The following MYO16 variants were observed in gnomAD, a reference collection of about 807,000 sequenced individuals.
MYO16 encodes unconventional myosin-XVI.
A neutral mutation model predicts 205.3 loss-of-function variants in MYO16; 94 were observed. That is an observed-to-expected ratio of 0.46 (90% CI 0.39 to 0.54). The LOEUF (loss-of-function observed/expected upper bound fraction) is 0.54. Ranked by LOEUF, MYO16 falls within the 20% of genes least tolerant of loss-of-function variation. The pLI is 0.00. For synonymous variants in MYO16, 988 were observed against 954.0 expected, an observed-to-expected ratio of 1.04 and a Z score of -0.66; for missense variants, 2,315 against 2,387.5, an observed-to-expected ratio of 0.97 and a Z score of 0.63.
At chr13:109,078,867 T>C (rs886318473) in intron 27 of MYO16, among the ~76,000 whole-genome samples, 2 of 152,174 alleles carry the variant, frequency 1.3e-5, no homozygotes, top group Non-Finnish European at 2.9e-5. Flanking sequence ...ACAGCCCTTC[T>C]TCCTTTTGTC....
intron 16 of MYO16, among the ~76,000 whole-genome samples, chr13:108,915,556 C>T (rs1881462102): frequency 6.6e-6 from 1 of 152,084 alleles, no homozygotes; most frequent in Non-Finnish European, 1.5e-5. Context: ...GTATATTATA[C>T]AAACGTTACA....
chr13:108,626,976 T>TGA (rs1566512790), upstream of MYO16, among the ~76,000 whole-genome samples: 1 of 145,040 alleles, frequency 6.9e-6, no homozygotes, highest in Non-Finnish European at 1.5e-5. Flanking sequence ...ATATTATATA[T>TGA]TATATATATA....
chr13:108,634,680 G>T (rs1880145176), intron 1 of MYO16, among the ~76,000 whole-genome samples: 2 of 152,066 alleles, frequency 1.3e-5, no homozygotes, highest in Non-Finnish European at 2.9e-5. Flanking sequence ...AAATCCAATG[G>T]ACACTAGACC....
intron 16 of MYO16, among the ~76,000 whole-genome samples, chr13:108,921,134 A>G (rs1881729442): frequency 6.6e-6 from 1 of 152,208 alleles, no homozygotes; most frequent in Non-Finnish European, 1.5e-5. Context: ...TTCAGCTGAT[A>G]TAGTCGGTGT....
At chr13:108,668,105 A>G (rs1163928083) in intron 2 of MYO16, among the ~76,000 whole-genome samples, 1 of 152,238 alleles carries the variant, frequency 6.6e-6, no homozygotes, top group Admixed American at 6.5e-5. Flanking sequence ...ACAGTGCACC[A>G]TTGTGTTTAG....
the MYO16 span, among the ~76,000 whole-genome samples, chr13:108,523,828 A>G: frequency 6.6e-6 from 1 of 152,204 alleles, no homozygotes; most frequent in Non-Finnish European, 1.5e-5. Flanking sequence ...GATATAGTGT[A>G]GATATCTGTC....
intron 2 of MYO16, among the ~76,000 whole-genome samples, chr13:108,699,870 A>G (rs889488892): frequency 1.3e-5 from 2 of 152,154 alleles, no homozygotes; most frequent in African/African-American, 2.4e-5. Context: ...TGAGAGATAC[A>G]TATTTTTAGG....
At position 109,164,930 on chromosome 13, in the gene MYO16, C is replaced by T. The variant is rs748519299; in HGVS notation, c.5194C>T (p.Arg1732Ter). The change falls in exon 33 of 35, where the codon CGA (arginine) becomes TGA (stop). Residue 1732 changes from arginine (R) to a stop codon, truncating the protein, a stop_gained. Coordinates refer to ENST00000457511, the MANE Select transcript of MYO16 (RefSeq NM_001198950.3). LOFTEE classifies it high-confidence loss of function. ...GFETNMNISS[R>*]DDPSTSEITS... is the part of the protein sequence containing the mutation. Reference sequence around the variant, plus strand: ...TGAAACTAACATGAACATAAGTAGCCGAGATGACCCTAGTACGTCAGAAAT... The same window carrying T: ...TGAAACTAACATGAACATAAGTAGCTGAGATGACCCTAGTACGTCAGAAAT... 4.4e-6 allele frequency: 7 copies of T among 1,586,554 alleles called. No homozygotes were observed. The highest frequency in any genetic ancestry group is 4.3e-6 in the Non-Finnish European group (5 of 1,169,866).
intron 12 of MYO16, among the ~76,000 whole-genome samples, chr13:108,869,523 G>A (rs950832051): frequency 6.6e-6 from 1 of 150,654 alleles, no homozygotes; most frequent in Non-Finnish European, 1.5e-5. Context: ...AGGAGATCGA[G>A]ACCATCCTGG....
intron 31 of MYO16, among the ~76,000 whole-genome samples, chr13:109,137,315 C>T (rs1328249108): frequency 6.6e-6 from 1 of 152,226 alleles, no homozygotes; most frequent in Non-Finnish European, 1.5e-5. Context: ...ATTGTATTCA[C>T]TGGGGCAGAG....
intron 5 of MYO16, 100 bp downstream of exon 5, chr13:108,785,843 T>C (rs1367708630): frequency 4.0e-6 from 3 of 745,138 alleles, no homozygotes; most frequent in Non-Finnish European, 6.6e-6. Context: ...CCGATGGATG[T>C]AGTTTCCGCA....
intron 4 of MYO16, among the ~76,000 whole-genome samples, chr13:108,746,807 C>T (rs1201784348): frequency 6.6e-6 from 1 of 151,634 alleles, no homozygotes; most frequent in Non-Finnish European, 1.5e-5. Flanking sequence ...GCAAGATAAA[C>T]ATAAAAAACA....
chr13:108,792,320 A>G (rs1886640677), intron 5 of MYO16, among the ~76,000 whole-genome samples: 1 of 152,194 alleles, frequency 6.6e-6, no homozygotes, highest in Non-Finnish European at 1.5e-5. Flanking sequence ...ACTTATTTTA[A>G]AATCATTTTA....
At chr13:108,668,019 C>G (rs1881818168) in intron 2 of MYO16, among the ~76,000 whole-genome samples, 1 of 152,142 alleles carries the variant, frequency 6.6e-6, no homozygotes, top group Non-Finnish European at 1.5e-5. Context: ...ATCTGTGCAA[C>G]AGAGCAAGAC....
intron 5 of MYO16, among the ~76,000 whole-genome samples, chr13:108,793,302 A>C (rs1886677720): frequency 1.3e-5 from 2 of 152,086 alleles, no homozygotes; most frequent in Admixed American, 1.3e-4. Context: ...AAAAAAAAAA[A>C]AAACATAACA....
At chr13:108,994,089 A>C (rs1398111709) in intron 21 of MYO16, among the ~76,000 whole-genome samples, 1 of 152,104 alleles carries the variant, frequency 6.6e-6, no homozygotes, top group East Asian at 1.9e-4. Flanking sequence ...AAACATATTT[A>C]TTTTACTACA....
Position 108,794,345 on chromosome 13 carries a change from A to C in MYO16, c.741+705A>C, listed in dbSNP as rs932760031. ...CTAAAATAAAATTTGGAAGGAAAAA[A>C]TGCAAAATGCTTATGCCACTACCCA... On this transcript the variant is annotated intron_variant, in intron 6 of 34. Coordinates refer to ENST00000457511, the MANE Select transcript of MYO16 (RefSeq NM_001198950.3). Among the ~76,000 whole-genome samples the C allele has an allele frequency of 2.0e-5, 3 of 152,270 alleles. No homozygotes were observed. The East Asian group carries it at 5.8e-4, about 29-fold the overall frequency.
chr13:108,779,402 T>G (rs1886227871), intron 4 of MYO16: 1 of 152,224 alleles, frequency 6.6e-6, no homozygotes, highest in Non-Finnish European at 1.5e-5. Context: ...AATGCAGGAA[T>G]AGCAGATTCA....
rs746660502 is a variant in MYO16, at chr13:108,700,349, AAGAAGAAGAAG to A, written c.293-12310_293-12300del. Among the ~76,000 whole-genome samples, 493 of 111,006 alleles carry A rather than the reference AAGAAGAAGAAG, an allele frequency of 4.4e-3. 1 individual carries two copies. The highest frequency in any genetic ancestry group is 0.017 in the African/African-American group (476 of 28,622). 72.8% of individuals were successfully genotyped at this position (111,006 alleles called of 152,430 possible). A position where few individuals can be genotyped will look rare whatever the true frequency, so the allele number is the denominator to read the frequency against. On this transcript the variant is annotated intron_variant, in intron 2 of 34. Transcript: ENST00000457511. The stretch of plus-strand genomic sequence containing the variant: ...CTCTGTCTCAAAAAAAAAAAAAAAA[AAGAAGAAGAAG>A]AAGAAGAAGAAGGATTTATTCAGGA...
Sources: gnomAD v4.1 joint callset for allele counts (sites outside exome capture counted in the v4.1 genomes callset) on GRCh38, gnomAD v4.1.1 for gene constraint, MANE v1.5 for transcripts, NCBI Gene and HGNC (gene_info 2026-07-23, HGNC 2026-07-21) for gene names.